Variants in CDH13 observed in about 807,000 individuals in gnomAD.
CDH13 encodes the protein cadherin 13.
Under a neutral mutation model 63.8 loss-of-function variants are expected in CDH13, and 24 were observed. The observed-to-expected ratio is 0.38, with a 90% CI of 0.27 to 0.53. The LOEUF (loss-of-function observed/expected upper bound fraction) is 0.53. Ranked by LOEUF, CDH13 falls within the 20% of genes least tolerant of loss-of-function variation. CDH13 has a pLI of 0.85. For synonymous variants in CDH13, 503 were observed against 355.3 expected (o/e 1.42, Z -4.67); for missense variants, 1,049 against 903.1 (o/e 1.16, Z -2.07).
At chr16:83,389,899 C>T (rs986871959) in intron 6 of CDH13, among the ~76,000 whole-genome samples, 1 of 152,218 alleles carries the variant, frequency 6.6e-6, no homozygotes, top group Non-Finnish European at 1.5e-5. Flanking sequence ...CAGACAGGGT[C>T]TGATAACATC....
intron 3 of CDH13, among the ~76,000 whole-genome samples, chr16:83,033,029 A>G (rs1040233128): frequency 2.0e-5 from 3 of 152,202 alleles, no homozygotes; most frequent in African/African-American, 7.2e-5. Flanking sequence ...ATGGTGCTGT[A>G]TGTGTATATG....
chr16:83,228,875 G>A (rs894471226), intron 5 of CDH13, among the ~76,000 whole-genome samples: 16 of 152,236 alleles, frequency 1.1e-4, no homozygotes, highest in Non-Finnish European at 8.8e-5. Flanking sequence ...CGGTTGACAT[G>A]CAGGGGATGA....
chr16:82,652,628 AGCTGCTGCTGCTGCT>A (rs35661989), intron 1 of CDH13, among the ~76,000 whole-genome samples: 30 of 149,412 alleles, frequency 2.0e-4, no homozygotes, highest in South Asian at 1.7e-3. Flanking sequence ...AGATATTGGA[AGCTGCTGCTGCTGCT>A]GCTGCTGCTG....
At chr16:83,162,220 A>G (rs2037478079) in intron 4 of CDH13, among the ~76,000 whole-genome samples, 1 of 152,168 alleles carries the variant, frequency 6.6e-6, no homozygotes, top group South Asian at 2.1e-4. Context: ...ATATGTGAGG[A>G]CCAGGCACTG....
rs2041479317 is a variant in CDH13 at position 82,901,786 on chromosome 16, A to G, written c.157+43313A>G. On this transcript the variant is annotated intron_variant, in intron 2 of 13. Coordinates refer to ENST00000567109, the MANE Select transcript of CDH13 (RefSeq NM_001257.5). ...TGTGCCAATTGCCTGCATGTAACTCAAAACAAAAGACAAAGGTCTTGCCCT... is the reference window on the plus strand; with the variant it reads ...TGTGCCAATTGCCTGCATGTAACTCGAAACAAAAGACAAAGGTCTTGCCCT... Among the ~76,000 whole-genome samples, 4 of 152,190 alleles carry G rather than the reference A, an allele frequency of 2.6e-5. No homozygotes were observed. The South Asian group carries it at 8.3e-4, about 32-fold the overall frequency.
intron 10 of CDH13, among the ~76,000 whole-genome samples, chr16:83,734,610 AT>A (rs1911356944): frequency 6.6e-6 from 1 of 151,872 alleles, no homozygotes; most frequent in Non-Finnish European, 1.5e-5. Context: ...GAGGGATAGC[AT>A]TAGGAGATAT....
At chr16:83,010,135 CAAA>C (rs67985333) in intron 2 of CDH13, among the ~76,000 whole-genome samples, 8 of 50,104 alleles carry the variant, frequency 1.6e-4, no homozygotes, top group South Asian at 2.0e-3. Flanking sequence ...AACTCTGTCT[CAAA>C]AAAAAAAAAA....
intron 2 of CDH13, among the ~76,000 whole-genome samples, chr16:83,008,270 A>T (rs1381297343): frequency 6.6e-6 from 1 of 152,220 alleles, no homozygotes; most frequent in Non-Finnish European, 1.5e-5. Context: ...ACATGTATTG[A>T]AATGTTAGAT....
intron 4 of CDH13, among the ~76,000 whole-genome samples, chr16:83,194,128 AAT>A (rs2038805800): frequency 6.6e-6 from 1 of 152,206 alleles, no homozygotes; most frequent in Non-Finnish European, 1.5e-5. Flanking sequence ...GAATATGAAG[AAT>A]GGTTTTTCTA....
At chr16:82,764,249 G>T (rs1486416955) in intron 1 of CDH13, among the ~76,000 whole-genome samples, 1 of 152,192 alleles carries the variant, frequency 6.6e-6, no homozygotes, top group African/African-American at 2.4e-5. Context: ...TTGTCATGCA[G>T]CTCAGAACTG....
intron 4 of CDH13, among the ~76,000 whole-genome samples, chr16:83,130,979 G>T (rs1213553628): frequency 6.6e-6 from 1 of 152,100 alleles, no homozygotes; most frequent in African/African-American, 2.4e-5. Context: ...GGGTTATTCA[G>T]GCAGCTCCAG....
At chr16:83,744,532 C>G (rs931348357) in intron 10 of CDH13, among the ~76,000 whole-genome samples, 1 of 152,232 alleles carries the variant, frequency 6.6e-6, no homozygotes, top group Non-Finnish European at 1.5e-5. Flanking sequence ...CCCATCTGTC[C>G]CCTGTCACAG....
chr16:82,956,982 G>A (rs1352674047), intron 2 of CDH13, among the ~76,000 whole-genome samples: 5 of 152,162 alleles, frequency 3.3e-5, no homozygotes, highest in African/African-American at 1.2e-4. Context: ...GACAGGGGTG[G>A]AGAGACATAA....
intron 7 of CDH13, among the ~76,000 whole-genome samples, chr16:83,548,098 G>T (rs190336506): frequency 1.1e-4 from 9 of 79,412 alleles, no homozygotes; most frequent in South Asian, 4.0e-4. Context: ...GAGCAGGAAG[G>T]GGGGGATGGG....
intron 2 of CDH13, among the ~76,000 whole-genome samples, chr16:82,974,692 A>G (rs1909249107): frequency 6.6e-6 from 1 of 152,154 alleles, no homozygotes; most frequent in South Asian, 2.1e-4. Context: ...GAAGATCCAG[A>G]GTTGGAGAGA....
chr16:82,838,640 C>A (rs1386150309), intron 1 of CDH13, among the ~76,000 whole-genome samples: 1 of 152,132 alleles, frequency 6.6e-6, no homozygotes, highest in Admixed American at 6.5e-5. Context: ...TTGAAAAAAA[C>A]CTGGTTCACA....
intron 2 of CDH13, among the ~76,000 whole-genome samples, chr16:83,027,110 C>T (rs527761298): frequency 6.3e-5 from 9 of 143,704 alleles, no homozygotes; most frequent in East Asian, 4.1e-4. Flanking sequence ...AGACCCCCCC[C>T]CCCCACCGCC....
At chr16:83,177,110 T>C (rs1441279539) in intron 4 of CDH13, among the ~76,000 whole-genome samples, 4 of 152,298 alleles carry the variant, frequency 2.6e-5, no homozygotes, top group Admixed American at 6.5e-5. Flanking sequence ...TGTGACCGAA[T>C]AACTGGGATT....
intron 2 of CDH13, among the ~76,000 whole-genome samples, chr16:82,879,226 A>G (rs377444770): frequency 5.3e-5 from 8 of 152,104 alleles, no homozygotes; most frequent in African/African-American, 1.9e-4. Flanking sequence ...CAGCTCTAAT[A>G]CTTACTAGCT....
Sources: gnomAD v4.1 joint callset for allele counts (sites outside exome capture counted in the v4.1 genomes callset) on GRCh38, gnomAD v4.1.1 for gene constraint, MANE v1.5 for transcripts, NCBI Gene and HGNC (gene_info 2026-07-23, HGNC 2026-07-21) for gene names.